Variants in INSL6 observed in about 807,000 individuals in gnomAD.
INSL6 encodes the protein insulin like 6, also known as insulin-like peptide INSL6.
In INSL6, 16 loss-of-function variants were observed where a neutral mutation model predicts 9.4. The observed-to-expected ratio is 1.70, with a 90% CI of 1.15 to 2.59. The LOEUF is 2.59. Ranked by LOEUF, INSL6 falls within the 30% of genes most tolerant of loss-of-function variation. The probability of loss-of-function intolerance (pLI) is 0.00; values close to 1 mark genes in which losing one functional copy is unlikely to be tolerated. For missense variants in INSL6, 391 were observed against 257.3 expected (o/e 1.52, Z -3.56); for synonymous variants, 154 against 96.9 (o/e 1.59, Z -3.46).
intron 2 of INSL6, among the ~76,000 whole-genome samples, chr9:5,143,970 C>A (rs1480439915): frequency 6.6e-6 from 1 of 151,908 alleles, no homozygotes; most frequent in African/African-American, 2.4e-5. Context: ...ATTGGTTGAT[C>A]TTTCGAATCA....
At chr9:5,097,318 C>G in the INSL6 span, 7 of 152,100 alleles carry the variant, frequency 4.6e-5, no homozygotes, top group African/African-American at 1.7e-4. Context: ...ACTTTTTGAC[C>G]CTGCTGGTGG....
At chr9:4,995,206 A>T in the INSL6 span, among the ~76,000 whole-genome samples, 2 of 152,060 alleles carry the variant, frequency 1.3e-5, no homozygotes, top group Non-Finnish European at 2.9e-5. Context: ...ATCTTGGCCC[A>T]CTTTCTATTG....
the INSL6 span, among the ~76,000 whole-genome samples, chr9:5,087,605 G>C: frequency 2.6e-5 from 4 of 152,138 alleles, no homozygotes; most frequent in African/African-American, 9.7e-5. Context: ...CGAATTAAAA[G>C]TGAGACTGAT....
At chr9:5,025,850 T>C in the INSL6 span, among the ~76,000 whole-genome samples, 1 of 152,202 alleles carries the variant, frequency 6.6e-6, no homozygotes, top group African/African-American at 2.4e-5. Context: ...TATAGTTCTG[T>C]TGAAGTTTTA....
the INSL6 span, among the ~76,000 whole-genome samples, chr9:5,035,572 G>T: frequency 6.6e-6 from 1 of 152,170 alleles, no homozygotes; most frequent in Non-Finnish European, 1.5e-5. Flanking sequence ...TGCAAGGCTG[G>T]TTCAACATAT....
At chr9:5,161,725 C>T (rs911395835), downstream of INSL6, among the ~76,000 whole-genome samples, 45 of 152,164 alleles carry the variant, frequency 3.0e-4, no homozygotes, top group African/African-American at 1.0e-3. Flanking sequence ...AACTCATAAA[C>T]AAATTCGGTA....
At chr9:5,027,212 C>T in the INSL6 span, among the ~76,000 whole-genome samples, 1 of 152,136 alleles carries the variant, frequency 6.6e-6, no homozygotes, top group Non-Finnish European at 1.5e-5. Context: ...TGACACACCT[C>T]GGAGATATTG....
At chr9:5,090,111 GTTTTTGTTTACA>G in the INSL6 span, among the ~76,000 whole-genome samples, 7 of 152,020 alleles carry the variant, frequency 4.6e-5, no homozygotes, top group Non-Finnish European at 8.8e-5. Flanking sequence ...TAAAGGAATT[GTTTTTGTTTACA>G]TTTTCTATAA....
At chr9:4,993,314 A>G in the INSL6 span, among the ~76,000 whole-genome samples, 1 of 152,222 alleles carries the variant, frequency 6.6e-6, no homozygotes, top group Non-Finnish European at 1.5e-5. Flanking sequence ...ATCACACTCT[A>G]GATTGGATCT....
intron 1 of INSL6, among the ~76,000 whole-genome samples, chr9:5,180,420 C>G (rs903884475): frequency 3.3e-5 from 5 of 152,150 alleles, no homozygotes; most frequent in African/African-American, 1.2e-4. Context: ...TATTTTTCTT[C>G]TTGCAGAGAG....
At chr9:5,024,461 C>G in the INSL6 span, among the ~76,000 whole-genome samples, 13 of 152,192 alleles carry the variant, frequency 8.5e-5, no homozygotes, top group South Asian at 2.5e-3. Context: ...ATTTACAACT[C>G]TGCCTTAGCC....
At chr9:5,016,621 A>G in the INSL6 span, among the ~76,000 whole-genome samples, 1 of 152,222 alleles carries the variant, frequency 6.6e-6, no homozygotes, top group Admixed American at 6.5e-5. Context: ...ACAGCTTAAC[A>G]AATTTTCATA....
At chr9:5,086,981 G>C in the INSL6 span, among the ~76,000 whole-genome samples, 1 of 152,026 alleles carries the variant, frequency 6.6e-6, no homozygotes, top group Non-Finnish European at 1.5e-5. Flanking sequence ...CCTAGTACGG[G>C]AACAATACAA....
the INSL6 span, chr9:5,090,523 C>A: frequency 6.3e-7 from 1 of 1,591,600 alleles, no homozygotes; most frequent in East Asian, 2.3e-5. Context: ...ACATAAAGAA[C>A]GGATAGATCA....
chr9:5,068,534 T>C, the INSL6 span, among the ~76,000 whole-genome samples: 1 of 152,188 alleles, frequency 6.6e-6, no homozygotes, highest in African/African-American at 2.4e-5. Flanking sequence ...AAGAAGTGGG[T>C]ATACATTCTT....
At chr9:5,070,062 T>G in the INSL6 span, 1 of 1,585,862 alleles carries the variant, frequency 6.3e-7, no homozygotes, top group Non-Finnish European at 8.6e-7. Context: ...TGTAAGTCAT[T>G]AGATACTCAT....
the INSL6 span, among the ~76,000 whole-genome samples, chr9:5,113,037 G>C: frequency 6.6e-6 from 1 of 152,014 alleles, no homozygotes; most frequent in Non-Finnish European, 1.5e-5. Context: ...GGGTGAGGAA[G>C]GTGACGCTGG....
the INSL6 span, among the ~76,000 whole-genome samples, chr9:5,078,665 C>T: frequency 6.6e-6 from 1 of 151,992 alleles, no homozygotes; most frequent in Non-Finnish European, 1.5e-5. Context: ...TTTTTAAAAA[C>T]AGTTTTAATC....
the INSL6 span, chr9:5,089,960 C>CTCTCCCTCTGGGCATTGGCAT: frequency 1.3e-6 from 1 of 764,404 alleles, no homozygotes; most frequent in Non-Finnish European, 1.9e-6. Context: ...GGACTTATGC[C>CTCTCCCTCTGGGCATTGGCAT]AATGCCCAGA....
Sources: allele counts gnomAD v4.1 joint callset (sites outside exome capture counted in the v4.1 genomes callset), GRCh38; gene constraint gnomAD v4.1.1; transcripts MANE v1.5; gene names NCBI Gene and HGNC (gene_info 2026-07-23, HGNC 2026-07-21).